MPZL3: variants seen among roughly 807,000 people sequenced by gnomAD.
MPZL3 encodes the protein myelin protein zero like 3, also known as myelin protein zero-like protein 3.
In MPZL3, 23 loss-of-function variants were observed where a neutral mutation model predicts 24.8. The observed-to-expected ratio is 0.93, with a 90% confidence interval of 0.67 to 1.31. MPZL3 has a LOEUF of 1.31. Among genes scored for constraint, MPZL3 ranks in the 40% most tolerant of loss-of-function variants. MPZL3 has a pLI of 0.00. For synonymous variants in MPZL3, 99 were observed against 106.5 expected (o/e 0.93, Z 0.44); for missense variants, 277 against 294.9 (o/e 0.94, Z 0.44).
rs1298038783 is a variant in MPZL3 at position 118,244,395 on chromosome 11, G to C, written c.74-4018C>G. Among the ~76,000 whole-genome samples the C allele has an allele frequency of 2.6e-5, 4 of 152,300 alleles. No homozygotes were observed. The South Asian group carries it at 6.2e-4, about 24-fold the overall frequency. On this transcript the variant is annotated intron_variant, in intron 1 of 5. Transcript: ENST00000278949. ...CTATGAAGGAAGGAAAAAGAAAGTG[G>C]CTATGGGTACGGCCCCTGTTATGAT...
chr11:118,250,711 G>C (rs1008067398), intron 1 of MPZL3, among the ~76,000 whole-genome samples: 4 of 151,986 alleles, frequency 2.6e-5, no homozygotes, highest in African/African-American at 9.7e-5. Context: ...CTCCCGAGTA[G>C]CTGGGATTAC....
intron 1 of MPZL3, 88 bp from the exon 2 acceptor site, chr11:118,240,465 T>C: frequency 7.3e-7 from 1 of 1,367,474 alleles, no homozygotes; most frequent in Non-Finnish European, 9.8e-7. Context: ...AGAGCCCTCA[T>C]CAAAAAGCCA....
At chr11:118,237,410 T>C in intron 2 of MPZL3, 150 bp from the exon 3 acceptor site, 1 of 666,754 alleles carries the variant, frequency 1.5e-6, no homozygotes. Flanking sequence ...CTCCATCCTA[T>C]AGGTTAATAA....
In MPZL3 at chr11:118,229,845, G is replaced by A. The variant is rs1312166576; in HGVS notation, c.*49C>T. 1 of 1,596,628 alleles carries A rather than the reference G, an allele frequency of 6.3e-7. No individual in the cohort carries two copies. Among genetic ancestry groups the A allele is most frequent in the Non-Finnish European group, 8.6e-7 (1 of 1,165,118 alleles). On this transcript the variant is annotated 3_prime_UTR_variant, in exon 6 of 6. Transcript: ENST00000278949. ...ACAGGCTTTAGCTGCCAGTGGAATG[G>A]GATGTTTCCTGTCTTTAGGTGACTC...
chr11:118,242,546 A>G (rs1210435506), intron 1 of MPZL3, among the ~76,000 whole-genome samples: 1 of 152,092 alleles, frequency 6.6e-6, no homozygotes, highest in African/African-American at 2.4e-5. Flanking sequence ...TCCCTTCATC[A>G]TTACTTGAAT....
At chr11:118,251,487 T>C (rs983529344) in intron 1 of MPZL3, among the ~76,000 whole-genome samples, 30 of 152,060 alleles carry the variant, frequency 2.0e-4, no homozygotes, top group African/African-American at 6.0e-4. Flanking sequence ...CAGGAAATAA[T>C]TGTACCTTAA....
intron 1 of MPZL3, among the ~76,000 whole-genome samples, chr11:118,242,727 C>T (rs546511775): frequency 3.7e-4 from 56 of 152,336 alleles, no homozygotes; most frequent in Non-Finnish European, 6.8e-4. Context: ...AATATCGGCC[C>T]CCTTTGCGGT....
At chr11:118,243,349 C>G (rs1253514382) in intron 1 of MPZL3, among the ~76,000 whole-genome samples, 1 of 152,198 alleles carries the variant, frequency 6.6e-6, no homozygotes, top group Non-Finnish European at 1.5e-5. Flanking sequence ...GGCCCAGGCA[C>G]ACACATTCCT....
intron 1 of MPZL3, among the ~76,000 whole-genome samples, chr11:118,244,958 C>T (rs1949541513): frequency 6.6e-6 from 1 of 151,706 alleles, no homozygotes; most frequent in African/African-American, 2.4e-5. Context: ...TGCCTGTAAT[C>T]CCAGCTACTC....
At chr11:118,250,834 C>T (rs1949612487) in intron 1 of MPZL3, among the ~76,000 whole-genome samples, 1 of 152,146 alleles carries the variant, frequency 6.6e-6, no homozygotes, top group Admixed American at 6.5e-5. Flanking sequence ...ATCCAGCTGC[C>T]TCGGTCTCCC....
intron 1 of MPZL3, among the ~76,000 whole-genome samples, chr11:118,246,499 G>A (rs117259940): frequency 2.0e-5 from 3 of 151,144 alleles, no homozygotes; most frequent in Non-Finnish European, 4.4e-5. Context: ...GACACTATCA[G>A]TCAGGATCCA....
intron 1 of MPZL3, among the ~76,000 whole-genome samples, chr11:118,244,509 G>T (rs926874078): frequency 6.6e-6 from 1 of 152,192 alleles, no homozygotes; most frequent in African/African-American, 2.4e-5. Context: ...TGAGGAGAGG[G>T]AGGGCATTCT....
Position 118,233,505 on chromosome 11 carries a change from T to C in MPZL3, c.636A>G (p.Glu212=). ...CACAAAGCCTCGCCATACACGCCTCTTCCTCCTCCTGATCAGTGCTGTAAA... is the reference window on the plus strand; with the variant it reads ...CACAAAGCCTCGCCATACACGCCTCCTCCTCCTCCTGATCAGTGCTGTAAA... ...EVSDDTDQEE[E]EACMARLCVR... is the part of the protein sequence containing the mutation. Residue 212 remains glutamate, a synonymous_variant, in exon 5 of 6, where the codon GAA becomes GAG. Coordinates refer to ENST00000278949, the MANE Select transcript of MPZL3 (RefSeq NM_198275.3). 1 of 1,613,882 alleles carries C rather than the reference T, an allele frequency of 6.2e-7. No individual in the cohort carries two copies. The highest frequency in any genetic ancestry group is 8.5e-7 in the Non-Finnish European group (1 of 1,179,868).
chr11:118,235,440 T>C lies in MPZL3; in HGVS notation c.601A>G (p.Ile201Val), dbSNP rs761647468. Reference protein sequence around the residue: ...RSRSGYKKSSIEVSDDTDQEE... With the variant: ...RSRSGYKKSSVEVSDDTDQEE... ...TGGACTTACTCATCGGAAACCTCAA[T>C]AGATGACTTCTTATAGCCAGACCTG... The change falls in exon 4 of 6, where the codon ATT becomes GTT. Residue 201 changes from isoleucine to valine, a missense_variant. By Grantham distance (29) the Ile-to-Val change is conservative. Coordinates refer to ENST00000278949, the MANE Select transcript of MPZL3 (RefSeq NM_198275.3). The C allele has an allele frequency of 1.6e-5, 26 of 1,613,716 alleles. No individual in the cohort carries two copies. In the East Asian group the frequency reaches 2.7e-4, roughly 17 times the overall value.
chr11:118,237,366 T>A lies in MPZL3; in HGVS notation c.241-106A>T, dbSNP rs928938993. Reference sequence around the variant, plus strand: ...ATACAACTGTATAATGGTGTGTTTTTTTTCAGTTGGGCAACTTTTTATGCT... The same window carrying A: ...ATACAACTGTATAATGGTGTGTTTTATTTCAGTTGGGCAACTTTTTATGCT... On this transcript the variant is annotated intron_variant, in intron 2 of 5. Transcript: ENST00000278949. 9 of 1,047,024 alleles carry A rather than the reference T, an allele frequency of 8.6e-6. No homozygotes were observed. The African/African-American group carries it at 1.3e-4, about 15-fold the overall frequency. The allele number at this position is 1,047,024 out of a possible 1,614,324, so 64.9% of individuals were successfully genotyped here.
At chr11:118,230,567 T>C (rs920648915) in intron 5 of MPZL3, among the ~76,000 whole-genome samples, 2 of 152,190 alleles carry the variant, frequency 1.3e-5, no homozygotes, top group African/African-American at 4.8e-5. Context: ...AGTGGGCCAT[T>C]AGCACTAACT....
In MPZL3 at chr11:118,240,357, A is replaced by G. The variant is rs759343813; in HGVS notation, c.94T>C (p.Leu32=). The change falls in exon 2 of 6, where the codon TTG becomes CTG. Residue 32 remains leucine (L), a synonymous_variant. Transcript: ENST00000278949. The part of the protein sequence containing the change: ...FFQGVYIVFS[L]EIRADAHVRG... ...ACATGGGCATCTGCACGAATCTCCA[A>G]GGAAAAGACGATATAAACACCTAAT... 1.9e-6 allele frequency: 3 copies of G among 1,606,050 alleles called. No individual in the cohort carries two copies. In the South Asian group the frequency reaches 3.4e-5, roughly 18 times the overall value.
Position 118,228,299 on chromosome 11 carries a change from G to A in MPZL3, c.*1595C>T, listed in dbSNP as rs1192355465. ...ACTAACATATACAGTCTGAAGCGCTGTAATATGGAAACTTCCTGAACCACC... is the reference window on the plus strand; with the variant it reads ...ACTAACATATACAGTCTGAAGCGCTATAATATGGAAACTTCCTGAACCACC... On this transcript the variant is annotated 3_prime_UTR_variant, in exon 6 of 6. Coordinates refer to ENST00000278949, the MANE Select transcript of MPZL3 (RefSeq NM_198275.3). 6.6e-6 allele frequency: 1 copy of A among 152,178 alleles called. No homozygotes were observed. The highest frequency in any genetic ancestry group is 2.4e-5 in the African/African-American group (1 of 41,424). The allele number at this position is 152,178 out of a possible 1,614,324, so 9.4% of individuals were successfully genotyped here.
Position 118,228,311 on chromosome 11 carries a change from C to G in MPZL3, c.*1583G>C, listed in dbSNP as rs1427874545. The G allele has an allele frequency of 6.6e-6, 1 of 151,962 alleles. No individual in the cohort carries two copies. Among genetic ancestry groups the G allele is most frequent in the African/African-American group, 2.4e-5 (1 of 41,370 alleles). The allele number at this position is 151,962 out of a possible 1,614,324, so 9.4% of individuals were successfully genotyped here. A position where few individuals can be genotyped will look rare whatever the true frequency, so the allele number is the denominator to read the frequency against. ...AGTCTGAAGCGCTGTAATATGGAAA[C>G]TTCCTGAACCACCTAATGAAAAATC... On this transcript the variant is annotated 3_prime_UTR_variant, in exon 6 of 6. Transcript: ENST00000278949.
Sources: allele counts gnomAD v4.1 joint callset (sites outside exome capture counted in the v4.1 genomes callset), GRCh38; gene constraint gnomAD v4.1.1; transcripts MANE v1.5; gene names NCBI Gene and HGNC (gene_info 2026-07-23, HGNC 2026-07-21).